Variants in HAO1 observed in about 807,000 individuals in gnomAD.
HAO1 encodes hydroxyacid oxidase 1, also known as 2-Hydroxyacid oxidase 1.
In HAO1, 34 loss-of-function variants were observed where a neutral mutation model predicts 39.7. The ratio of observed to expected loss-of-function variants is 0.86; its 90% CI spans 0.65 to 1.14. HAO1 has a LOEUF of 1.14. HAO1 is among the 50% of genes most tolerant of loss of function. The probability of loss-of-function intolerance (pLI) is 0.00; values close to 1 mark genes in which losing one functional copy is unlikely to be tolerated. For missense variants in HAO1, 479 were observed against 464.5 expected (o/e 1.03, Z -0.29); for synonymous variants, 172 against 173.2 (o/e 0.99, Z 0.05).
chr20:7,908,307 G>A lies in HAO1; in HGVS notation c.546-1978C>T, dbSNP rs370311930. Among the ~76,000 whole-genome samples, 51 of 150,762 alleles carry A rather than the reference G, an allele frequency of 3.4e-4. No individual in the cohort carries two copies. The South Asian group carries it at 8.1e-3, about 24-fold the overall frequency. ...CTTGGGAGGCTGAGGCACGAGAATC[G>A]CTTGAACCCGGGAGGCGAGGTTGCA... On this transcript the variant is annotated intron_variant, in intron 3 of 7. Transcript: ENST00000378789.
intron 5 of HAO1, among the ~76,000 whole-genome samples, chr20:7,894,340 G>A (rs1297615112): frequency 6.6e-6 from 1 of 152,098 alleles, no homozygotes; most frequent in African/African-American, 2.4e-5. Context: ...ACACCTTTCA[G>A]GACAGTTTAG....
chr20:7,890,986 T>C (rs2050171716), intron 5 of HAO1, among the ~76,000 whole-genome samples: 2 of 152,242 alleles, frequency 1.3e-5, no homozygotes. Flanking sequence ...TTTGTAATCG[T>C]GAACTGTGCT....
intron 3 of HAO1, among the ~76,000 whole-genome samples, chr20:7,913,729 G>A (rs1211757556): frequency 6.6e-6 from 1 of 152,196 alleles, no homozygotes; most frequent in Non-Finnish European, 1.5e-5. Flanking sequence ...AGTAGACAGT[G>A]AGGGATCAAA....
At chr20:7,925,097 C>T (rs1487457318) in intron 2 of HAO1, among the ~76,000 whole-genome samples, 1 of 152,130 alleles carries the variant, frequency 6.6e-6, no homozygotes, top group Middle Eastern at 3.2e-3. Context: ...ATCACATAGA[C>T]GCAGTCAACA....
At chr20:7,907,296 G>C (rs950695418) in intron 3 of HAO1, among the ~76,000 whole-genome samples, 2 of 152,048 alleles carry the variant, frequency 1.3e-5, no homozygotes, top group Admixed American at 1.3e-4. Context: ...TTGCTCCTGG[G>C]CCTGAGTCAC....
At chr20:7,898,144 G>T (rs114714193) in intron 4 of HAO1, among the ~76,000 whole-genome samples, 2,154 of 152,180 alleles carry the variant, frequency 0.014, 50 homozygotes, top group African/African-American at 0.048. Flanking sequence ...TAAGAAGTAG[G>T]GTGGGAGCAG....
chr20:7,937,657 GA>G (rs34819349), intron 1 of HAO1, among the ~76,000 whole-genome samples: 8,592 of 151,848 alleles, frequency 0.057, 391 homozygotes, highest in African/African-American at 0.13. Context: ...GATAATTTCA[GA>G]AAAAAAAGCT....
At position 7,906,149 on chromosome 20, in the gene HAO1, C is replaced by T. The variant is rs564179630; in HGVS notation, c.721+5G>A. ...GTATGAATTCAAGTAGAGAAATAAA[C>T]GAACCTCTCAAAATGCCCTTTGCAA... On this transcript the variant is annotated splice_donor_5th_base_variant and intron_variant, in intron 4 of 7. Coordinates refer to ENST00000378789, the MANE Select transcript of HAO1 (RefSeq NM_017545.3). The T allele has an allele frequency of 1.6e-5, 26 of 1,599,988 alleles. No individual in the cohort carries two copies. In the East Asian group the frequency reaches 2.2e-4, roughly 14 times the overall value.
chr20:7,919,427 T>C (rs2050321243), intron 2 of HAO1, among the ~76,000 whole-genome samples: 1 of 137,868 alleles, frequency 7.3e-6, no homozygotes, highest in Non-Finnish European at 1.5e-5. Context: ...AAATTGCATA[T>C]GACACACACA....
At chr20:7,893,825 A>G (rs2050184759) in intron 5 of HAO1, among the ~76,000 whole-genome samples, 2 of 152,194 alleles carry the variant, frequency 1.3e-5, no homozygotes, top group Admixed American at 6.5e-5. Flanking sequence ...CTCTGCGTGA[A>G]TTAAACTCTT....
intron 1 of HAO1, among the ~76,000 whole-genome samples, chr20:7,939,084 G>A (rs1413396162): frequency 6.7e-6 from 1 of 149,430 alleles, no homozygotes; most frequent in African/African-American, 2.5e-5. Flanking sequence ...CCAAGAAGGG[G>A]CATCTTCCAA....
chr20:7,929,729 C>T (rs945817492), intron 2 of HAO1, among the ~76,000 whole-genome samples: 8 of 152,046 alleles, frequency 5.3e-5, no homozygotes, highest in Non-Finnish European at 8.8e-5. Flanking sequence ...CCAGCCGTCG[C>T]GGTGCGTGCC....
At chr20:7,901,303 G>C (rs1479563523) in intron 4 of HAO1, among the ~76,000 whole-genome samples, 1 of 152,080 alleles carries the variant, frequency 6.6e-6, no homozygotes, top group African/African-American at 2.4e-5. Flanking sequence ...CAGGCTGTAT[G>C]GCATCTTCTT....
intron 2 of HAO1, among the ~76,000 whole-genome samples, chr20:7,917,434 C>T (rs1302197878): frequency 1.3e-5 from 2 of 151,806 alleles, no homozygotes; most frequent in Admixed American, 6.6e-5. Context: ...TGGCTGAGCA[C>T]TCTCCCAGGG....
intron 2 of HAO1, among the ~76,000 whole-genome samples, chr20:7,923,814 T>G (rs1369483413): frequency 6.6e-6 from 1 of 152,174 alleles, no homozygotes; most frequent in Non-Finnish European, 1.5e-5. Flanking sequence ...CTGCTGACGC[T>G]GATGTTCCAA....
chr20:7,938,145 AATGTGAAATTTCAGGTTGATTTCCTTC>A (rs2050422210), intron 1 of HAO1, among the ~76,000 whole-genome samples: 1 of 152,196 alleles, frequency 6.6e-6, no homozygotes, highest in Non-Finnish European at 1.5e-5. Context: ...TTAGAATCAG[AATGTGAAATTTCAGGTTGATTTCCTTC>A]ATGCCATCAA....
intron 5 of HAO1, among the ~76,000 whole-genome samples, chr20:7,894,373 G>A (rs1026650265): frequency 1.3e-5 from 2 of 152,056 alleles, no homozygotes; most frequent in African/African-American, 4.8e-5. Flanking sequence ...TCTAGATTTT[G>A]GACTCTGATT....
chr20:7,895,048 C>G, intron 5 of HAO1, 85 bp downstream of exon 5: 1 of 873,590 alleles, frequency 1.1e-6, no homozygotes, highest in East Asian at 2.4e-5. Flanking sequence ...AAAGTACACA[C>G]AGAGAGGAGG....
In HAO1 at chr20:7,891,524, T is replaced by G. The variant is rs185127228; in HGVS notation, c.813+3609A>C. ...TTACTCTGCTGACTTCATTTTGCTG[T>G]GCAAAAAGCTCTTTAGTTTAATTAA... On this transcript the variant is annotated intron_variant, in intron 5 of 7. Transcript: ENST00000378789. Among the ~76,000 whole-genome samples, 375 of 152,302 alleles carry G rather than the reference T, an allele frequency of 2.5e-3. 2 individuals carry two copies. Among genetic ancestry groups the G allele is most frequent in the African/African-American group, 8.4e-3 (348 of 41,566 alleles).
Sources: gnomAD v4.1 joint callset for allele counts (sites outside exome capture counted in the v4.1 genomes callset) on GRCh38, gnomAD v4.1.1 for gene constraint, MANE v1.5 for transcripts, NCBI Gene and HGNC (gene_info 2026-07-23, HGNC 2026-07-21) for gene names.